Variants in TEX52 observed in about 807,000 individuals in gnomAD.
TEX52 encodes testis expressed 52.
In TEX52, 22 loss-of-function variants were observed where a neutral mutation model predicts 17.6. The ratio of observed to expected loss-of-function variants is 1.25; its 90% CI spans 0.89 to 1.78. The LOEUF is 1.78. Among genes scored for constraint, TEX52 ranks in the 40% most tolerant of loss-of-function variants. The pLI is 0.00. For missense variants in TEX52, 396 were observed against 372.3 expected (o/e 1.06, Z -0.52); for synonymous variants, 168 against 147.4 (o/e 1.14, Z -1.01).
At chr12:2,851,668 A>T (rs376633313) in intron 2 of TEX52, among the ~76,000 whole-genome samples, 1 of 148,986 alleles carries the variant, frequency 6.7e-6, no homozygotes, top group Non-Finnish European at 1.5e-5. Flanking sequence ...TTTTAATTTT[A>T]TTTATTTTTT....
At chr12:2,850,089 C>T (rs1415258502) in intron 2 of TEX52, among the ~76,000 whole-genome samples, 3 of 152,128 alleles carry the variant, frequency 2.0e-5, no homozygotes, top group Non-Finnish European at 4.4e-5. Flanking sequence ...ATTACAATCA[C>T]CCTGGGAGCT....
chr12:2,849,736 G>A (rs2098064128), intron 2 of TEX52, among the ~76,000 whole-genome samples: 1 of 152,222 alleles, frequency 6.6e-6, no homozygotes, highest in Admixed American at 6.5e-5. Context: ...TTAGGCTGGT[G>A]AAATAATGTC....
In TEX52 at chr12:2,855,082, C is replaced by G. The variant is rs1271702525; in HGVS notation, c.437G>C (p.Gly146Ala). The G allele has an allele frequency of 6.5e-7, 1 of 1,535,940 alleles. No homozygotes were observed. The highest frequency in any genetic ancestry group is 1.2e-5 in the South Asian group (1 of 84,044). Residue 146 changes from glycine (G) to alanine (A), a missense_variant, in exon 2 of 3, where the codon GGG becomes GCG. Transcript: ENST00000637658. ...EHPIPPPSWM[G>A]QNSFLTFIHC... Reference sequence around the variant, plus strand: ...GATGAAGGTCAGGAAGCTGTTTTGCCCCATCCAGGAGGGAGGGGGGATGGG... The same window carrying G: ...GATGAAGGTCAGGAAGCTGTTTTGCGCCATCCAGGAGGGAGGGGGGATGGG...
chr12:2,854,186 C>T lies in TEX52; in HGVS notation c.623+710G>A, dbSNP rs145074222. Among the ~76,000 whole-genome samples the T allele has an allele frequency of 6.9e-3, 1,044 of 152,236 alleles. 12 individuals carry two copies. The highest frequency in any genetic ancestry group is 9.6e-3 in the Non-Finnish European group (652 of 68,002). On this transcript the variant is annotated intron_variant, in intron 2 of 2. Transcript: ENST00000637658. Reference sequence around the variant, plus strand: ...GATTGCAGGCACCCATCACCACACCCGGCTAATTTTGTATTTTTAGTAGAG... The same window carrying T: ...GATTGCAGGCACCCATCACCACACCTGGCTAATTTTGTATTTTTAGTAGAG...
In TEX52 at chr12:2,849,211, C is replaced by T. The variant is rs555551905; in HGVS notation, c.*20G>A. 33 of 1,525,716 alleles carry T rather than the reference C, an allele frequency of 2.2e-5. No individual in the cohort carries two copies. In the East Asian group the frequency reaches 6.4e-4, roughly 29 times the overall value. 94.5% of individuals were successfully genotyped at this position (1,525,716 alleles called of 1,614,324 possible). A position where few individuals can be genotyped will look rare whatever the true frequency, so the allele number is the denominator to read the frequency against. On this transcript the variant is annotated 3_prime_UTR_variant, in exon 3 of 3. Coordinates refer to ENST00000637658, the MANE Select transcript of TEX52 (RefSeq NM_001365174.2). ...AGCCTGGGGCTCTGGGTATCACGAT[C>T]GTCCCCTCTGGAAGCCCTTCTAGAA...
intron 2 of TEX52, among the ~76,000 whole-genome samples, chr12:2,853,952 C>G (rs1167698979): frequency 6.6e-6 from 1 of 152,178 alleles, no homozygotes; most frequent in African/African-American, 2.4e-5. Flanking sequence ...TGAGGCCTTC[C>G]TGTGGCGGGG....
chr12:2,851,815 A>G (rs1354984247), intron 2 of TEX52, among the ~76,000 whole-genome samples: 1 of 152,070 alleles, frequency 6.6e-6, no homozygotes, highest in Non-Finnish European at 1.5e-5. Context: ...AGTAGCTGGG[A>G]TTACAGGCAT....
At position 2,855,488 on chromosome 12, in the gene TEX52, CAG is replaced by C. The variant is rs535977860; in HGVS notation, c.73-44_73-43del. The C allele has an allele frequency of 9.2e-5, 126 of 1,369,928 alleles. 1 individual carries two copies. The highest frequency in any genetic ancestry group is 8.4e-4 in the Admixed American group (29 of 34,722). The allele number at this position is 1,369,928 out of a possible 1,614,324, so 84.9% of individuals were successfully genotyped here. A position where few individuals can be genotyped will look rare whatever the true frequency, so the allele number is the denominator to read the frequency against. On this transcript the variant is annotated intron_variant, in intron 1 of 2. Transcript: ENST00000637658. ...GGGAGCCTGGGGAAGGTTGTGCAGACAGGGGTGCAGAAAGGTGGGTGAGGCAC... is the reference window on the plus strand; with the variant it reads ...GGGAGCCTGGGGAAGGTTGTGCAGACGGGTGCAGAAAGGTGGGTGAGGCAC...
At position 2,856,981 on chromosome 12, in the gene TEX52, A is replaced by G. The variant is rs1167153376; in HGVS notation, c.46T>C (p.Ser16Pro). 1.0e-5 allele frequency: 7 copies of G among 702,828 alleles called. No individual in the cohort carries two copies. The highest frequency in any genetic ancestry group is 4.4e-5 in the South Asian group (3 of 67,606). 43.5% of individuals were successfully genotyped at this position (702,828 alleles called of 1,614,324 possible). A position where few individuals can be genotyped will look rare whatever the true frequency, so the allele number is the denominator to read the frequency against. The change falls in exon 1 of 3, where the codon TCT (serine) becomes CCT (proline). Residue 16 changes from serine (S) to proline (P), a missense_variant. By Grantham distance (74) the Ser-to-Pro change is moderately conservative. Coordinates refer to ENST00000637658, the MANE Select transcript of TEX52 (RefSeq NM_001365174.2). ...QRSLRGPSHP[S>P]HMEEPFLQMV... is the part of the protein sequence containing the mutation. The stretch of plus-strand genomic sequence containing the variant: ...TGCAGGAAAGGTTCTTCCATATGAG[A>G]TGGGTGACTGGGCCCTCTGAGTGAT...
At chr12:2,849,722 G>C (rs1238495314) in intron 2 of TEX52, among the ~76,000 whole-genome samples, 197 bp from the exon 3 acceptor site, 2 of 152,178 alleles carry the variant, frequency 1.3e-5, no homozygotes, top group African/African-American at 2.4e-5. Flanking sequence ...TGTGTGTGTT[G>C]GTGTTAGGCT....
At chr12:2,849,606 G>T (rs1197273604) in intron 2 of TEX52, 81 bp from the exon 3 acceptor site, 2 of 1,460,522 alleles carry the variant, frequency 1.4e-6, no homozygotes, top group Non-Finnish European at 1.8e-6. Flanking sequence ...AAGGGGAAGG[G>T]TGATGCCGCT....
intron 2 of TEX52, among the ~76,000 whole-genome samples, chr12:2,854,155 A>G (rs905480713): frequency 5.3e-5 from 8 of 152,192 alleles, no homozygotes; most frequent in Non-Finnish European, 1.0e-4. Flanking sequence ...TCTCCTGAGT[A>G]GCTGGGATTG....
downstream of TEX52, chr12:2,848,972 C>G (rs1346137298): frequency 4.1e-6 from 2 of 482,072 alleles, no homozygotes; most frequent in East Asian, 3.9e-5. Flanking sequence ...TCTCCCTGCT[C>G]TACCCAGCCT....
At position 2,855,418 on chromosome 12, in the gene TEX52, G is replaced by C. The variant is rs1303430480; in HGVS notation, c.101C>G (p.Pro34Arg). 1.4e-6 allele frequency: 2 copies of C among 1,481,010 alleles called. No individual in the cohort carries two copies. The highest frequency in any genetic ancestry group is 1.3e-5 in the South Asian group (1 of 77,028). The allele number at this position is 1,481,010 out of a possible 1,614,324, so 91.7% of individuals were successfully genotyped here. The change falls in exon 2 of 3, where the codon CCC becomes CGC. Residue 34 changes from proline (P) to arginine (R), a missense_variant. Physicochemically the swap from Pro to Arg is moderately radical, Grantham distance 103. Transcript: ENST00000637658. ...CTCACGCTGAGCCCACGTTTGGGAG[G>C]GTGGGAGGGACTCGCTGGCCTGGAC... is the stretch of plus-strand genomic sequence containing the variant. ...QMVQASESLPPSQTWAQREFF... is the reference protein window; with the variant it reads ...QMVQASESLPRSQTWAQREFF...
intron 2 of TEX52, among the ~76,000 whole-genome samples, chr12:2,851,435 T>G (rs2098070535): frequency 6.6e-6 from 1 of 152,024 alleles, no homozygotes; most frequent in Admixed American, 6.6e-5. Flanking sequence ...CTCCACCTCC[T>G]GCATTCAAGC....
At chr12:2,854,637 C>T (rs1418312102) in intron 2 of TEX52, among the ~76,000 whole-genome samples, 1 of 152,208 alleles carries the variant, frequency 6.6e-6, no homozygotes, top group Non-Finnish European at 1.5e-5. Context: ...CACTGAGTCA[C>T]ACTTCTCTGT....
At chr12:2,856,566 T>C (rs1264447195) in intron 1 of TEX52, among the ~76,000 whole-genome samples, 1 of 152,214 alleles carries the variant, frequency 6.6e-6, no homozygotes, top group Non-Finnish European at 1.5e-5. Flanking sequence ...TTTCATCATG[T>C]TGGCCAAGCT....
chr12:2,856,454 C>T (rs2098087603), intron 1 of TEX52, among the ~76,000 whole-genome samples: 1 of 152,172 alleles, frequency 6.6e-6, no homozygotes, highest in Non-Finnish European at 1.5e-5. Context: ...CAACCTCCAC[C>T]TCCCGGGTTC....
In TEX52 at chr12:2,849,194, G is replaced by A. The variant is rs752346322; in HGVS notation, c.*37C>T. ...TTGATTGAGAACACTGGAGCCTGGG[G>A]CTCTGGGTATCACGATCGTCCCCTC... On this transcript the variant is annotated 3_prime_UTR_variant, in exon 3 of 3. Transcript: ENST00000637658. 1 of 1,509,090 alleles carries A rather than the reference G, an allele frequency of 6.6e-7. No homozygotes were observed. The highest frequency in any genetic ancestry group is 1.3e-5 in the South Asian group (1 of 78,872). 93.5% of individuals were successfully genotyped at this position (1,509,090 alleles called of 1,614,324 possible). A position where few individuals can be genotyped will look rare whatever the true frequency, so the allele number is the denominator to read the frequency against.
Sources: gnomAD v4.1 joint callset for allele counts (sites outside exome capture counted in the v4.1 genomes callset) on GRCh38, gnomAD v4.1.1 for gene constraint, MANE v1.5 for transcripts, NCBI Gene and HGNC (gene_info 2026-07-23, HGNC 2026-07-21) for gene names.